Variants in HMX1 observed in about 807,000 individuals in gnomAD.
The protein encoded by HMX1 is H6 family homeobox 1, also known as homeobox protein HMX1.
In HMX1, 8 loss-of-function variants were observed where a neutral mutation model predicts 8.9. That is an observed-to-expected ratio of 0.90 (90% CI 0.53 to 1.63). HMX1 has a LOEUF of 1.63. HMX1 is among the 40% of genes most tolerant of loss of function. HMX1 has a pLI of 0.00. For missense variants in HMX1, 621 were observed against 558.5 expected (o/e 1.11, Z -1.13); for synonymous variants, 311 against 283.4 (o/e 1.10, Z -0.98).
chr4:8,858,377 G>A (rs952727370), intron 1 of HMX1, among the ~76,000 whole-genome samples: 2 of 152,210 alleles, frequency 1.3e-5, no homozygotes, highest in African/African-American at 2.4e-5. Context: ...GGGGTGAGGG[G>A]GCAAAAGGGA....
intron 1 of HMX1, among the ~76,000 whole-genome samples, chr4:8,857,383 G>C (rs982619782): frequency 2.6e-5 from 4 of 152,036 alleles, no homozygotes; most frequent in African/African-American, 9.7e-5. Flanking sequence ...CCCCTCCCCA[G>C]GTAGGAGGCA....
intron 1 of HMX1, among the ~76,000 whole-genome samples, chr4:8,861,930 A>T (rs1038460657): frequency 1.3e-5 from 2 of 152,246 alleles, no homozygotes; most frequent in Non-Finnish European, 2.9e-5. Flanking sequence ...CAAACACTGC[A>T]GCGAAGTCGG....
intron 1 of HMX1, among the ~76,000 whole-genome samples, chr4:8,859,326 C>T (rs1296802612): frequency 2.6e-5 from 4 of 152,158 alleles, no homozygotes; most frequent in Non-Finnish European, 5.9e-5. Context: ...AGCACGATTT[C>T]TCTAGTCCCG....
chr4:8,846,588 G>A (rs936076884), intron 1 of HMX1, among the ~76,000 whole-genome samples: 3 of 152,142 alleles, frequency 2.0e-5, no homozygotes, highest in Non-Finnish European at 4.4e-5. Context: ...GCCCTGGGGC[G>A]AGTGGCACTG....
chr4:8,867,543 G>GC lies in HMX1; in HGVS notation c.*149dup. The GC allele has an allele frequency of 8.4e-7, 1 of 1,184,810 alleles. No homozygotes were observed. The highest frequency in any genetic ancestry group is 1.0e-6 in the Non-Finnish European group (1 of 958,072). 73.4% of individuals were successfully genotyped at this position (1,184,810 alleles called of 1,614,324 possible). On this transcript the variant is annotated 3_prime_UTR_variant, in exon 2 of 2. Coordinates refer to ENST00000400677, the MANE Select transcript of HMX1 (RefSeq NM_018942.3). ...GCGCTCCCCACAGAAGCTGAGGCCCGCCCGGCCGCGGCCTGCGCTCCCGAG... is the reference window on the plus strand; with the variant it reads ...GCGCTCCCCACAGAAGCTGAGGCCCGCCCCGGCCGCGGCCTGCGCTCCCGAG...
intron 1 of HMX1, among the ~76,000 whole-genome samples, chr4:8,854,651 C>T (rs930874519): frequency 2.0e-5 from 3 of 152,246 alleles, no homozygotes; most frequent in Non-Finnish European, 4.4e-5. Context: ...CCAGACCACA[C>T]GCTCATGCCA....
At chr4:8,864,049 G>C (rs1363731488), downstream of HMX1, among the ~76,000 whole-genome samples, 1 of 152,198 alleles carries the variant, frequency 6.6e-6, no homozygotes, top group East Asian at 1.9e-4. Context: ...GCTCCAGTGG[G>C]GATTCAGCTT....
intron 1 of HMX1, among the ~76,000 whole-genome samples, chr4:8,859,378 T>A (rs1721720375): frequency 6.6e-6 from 1 of 152,192 alleles, no homozygotes; most frequent in Non-Finnish European, 1.5e-5. Flanking sequence ...AGGTCTGAGC[T>A]GGCTTAGAGC....
intron 1 of HMX1, among the ~76,000 whole-genome samples, chr4:8,856,154 A>T (rs1487102811): frequency 6.6e-6 from 1 of 152,124 alleles, no homozygotes; most frequent in African/African-American, 2.4e-5. Context: ...AGAGGGAGGG[A>T]AGGGCCCTGA....
chr4:8,865,897 G>C (rs930195040), downstream of HMX1, among the ~76,000 whole-genome samples: 1 of 152,234 alleles, frequency 6.6e-6, no homozygotes, highest in African/African-American at 2.4e-5. Flanking sequence ...CCTGGGAAGG[G>C]CTGGAGGGGG....
At chr4:8,852,456 A>T (rs1721482939) in intron 1 of HMX1, among the ~76,000 whole-genome samples, 1 of 152,230 alleles carries the variant, frequency 6.6e-6, no homozygotes, top group African/African-American at 2.4e-5. Context: ...CACAGCCAGG[A>T]AACAGGGGGC....
intron 1 of HMX1, among the ~76,000 whole-genome samples, chr4:8,857,641 G>C (rs531544120): frequency 1.5e-4 from 23 of 152,332 alleles, no homozygotes; most frequent in African/African-American, 5.3e-4. Context: ...GAGCACGCAG[G>C]GGTCTCCCAG....
rs1387035825 is a variant in HMX1 at position 8,867,905 on chromosome 4, G to A, written c.835C>T (p.Leu279=). 2 of 1,410,506 alleles carry A rather than the reference G, an allele frequency of 1.4e-6. No individual in the cohort carries two copies. The highest frequency in any genetic ancestry group is 2.7e-5 in the Admixed American group (1 of 37,170). 87.4% of individuals were successfully genotyped at this position (1,410,506 alleles called of 1,614,324 possible). The change falls in exon 2 of 2, where the codon CTG becomes TTG. Residue 279 remains leucine (L), a synonymous_variant. Coordinates refer to ENST00000400677, the MANE Select transcript of HMX1 (RefSeq NM_018942.3). ...ASLSPPGAQR[L]VRVPVLYHES... ...TGGTAGAGCACCGGCACGCGGACCA[G>A]GCGCTGCGCTCCCGGCGGGGACAGG...
chr4:8,871,432 C>T lies in HMX1; in HGVS notation c.183G>A (p.Arg61=). The T allele has an allele frequency of 7.6e-7, 1 of 1,322,410 alleles. No individual in the cohort carries two copies. The highest frequency in any genetic ancestry group is 9.8e-7 in the Non-Finnish European group (1 of 1,023,606). 81.9% of individuals were successfully genotyped at this position (1,322,410 alleles called of 1,614,324 possible). Residue 61 remains arginine (R), a synonymous_variant, in exon 1 of 2, where the codon CGG becomes CGA. Transcript: ENST00000400677. This position sits in a 1 kb window ranked among gnomAD's most constrained non-coding sequence, Gnocchi z 4.8. ...DPEDEDAEQA[R]RRRLQRRRQL... Reference sequence around the variant, plus strand: ...GTCGCCGCCGCTGTAGCCGTCGCCGCCGCGCCTGCTCGGCGTCCTCGTCTT... The same window carrying T: ...GTCGCCGCCGCTGTAGCCGTCGCCGTCGCGCCTGCTCGGCGTCCTCGTCTT...
Position 8,867,171 on chromosome 4 carries a change from A to AC in HMX1, c.*521dup, listed in dbSNP as rs1722024607. The AC allele has an allele frequency of 1.0e-6, 1 of 985,258 alleles. No homozygotes were observed. Among genetic ancestry groups the AC allele is most frequent in the Non-Finnish European group, 1.2e-6 (1 of 829,888 alleles). 61.0% of individuals were successfully genotyped at this position (985,258 alleles called of 1,614,324 possible). A position where few individuals can be genotyped will look rare whatever the true frequency, so the allele number is the denominator to read the frequency against. On this transcript the variant is annotated 3_prime_UTR_variant, in exon 2 of 2. Coordinates refer to ENST00000400677, the MANE Select transcript of HMX1 (RefSeq NM_018942.3). ...GCCTGCTCCTGGAACGGACGATGGG[A>AC]CCCACAGGTCCAGGGTCCTTTCTCC...
chr4:8,863,276 G>A (rs1241605686), downstream of HMX1, among the ~76,000 whole-genome samples: 4 of 152,196 alleles, frequency 2.6e-5, no homozygotes, highest in Non-Finnish European at 5.9e-5. Flanking sequence ...TCAGAACCCC[G>A]GTTTCCCTTT....
intron 1 of HMX1, among the ~76,000 whole-genome samples, chr4:8,854,908 C>G (rs1183850516): frequency 6.6e-6 from 1 of 152,214 alleles, no homozygotes; most frequent in Non-Finnish European, 1.5e-5. Context: ...CAGAAGCGTG[C>G]AAAACAATTT....
At chr4:8,857,582 G>T (rs530060548) in intron 1 of HMX1, among the ~76,000 whole-genome samples, 6 of 143,012 alleles carry the variant, frequency 4.2e-5, no homozygotes, top group Admixed American at 6.9e-5. Context: ...GCACCCCCCC[G>T]CCCCCCTGCC....
In HMX1 at chr4:8,867,424, C is replaced by T. The variant is rs1393417782; in HGVS notation, c.*269G>A. ...TGAGGCCGGGGGGTGGCCGTGGCGC[C>T]GGGGGCTGCGCAGCCCAGAGTCTCT... On this transcript the variant is annotated 3_prime_UTR_variant, in exon 2 of 2. Coordinates refer to ENST00000400677, the MANE Select transcript of HMX1 (RefSeq NM_018942.3). 11 of 1,089,156 alleles carry T rather than the reference C, an allele frequency of 1.0e-5. No individual in the cohort carries two copies. Among genetic ancestry groups the T allele is most frequent in the African/African-American group, 1.7e-5 (1 of 60,286 alleles). The allele number at this position is 1,089,156 out of a possible 1,614,324, so 67.5% of individuals were successfully genotyped here. A position where few individuals can be genotyped will look rare whatever the true frequency, so the allele number is the denominator to read the frequency against.
Sources: allele counts gnomAD v4.1 joint callset (sites outside exome capture counted in the v4.1 genomes callset), GRCh38; gene constraint gnomAD v4.1.1; non-coding constraint Gnocchi (gnomAD v3.1); transcripts MANE v1.5; gene names NCBI Gene and HGNC (gene_info 2026-07-23, HGNC 2026-07-21).